REC114: variants seen among roughly 807,000 people sequenced by gnomAD.
The protein encoded by REC114 is REC114 meiotic recombination protein, also known as meiotic recombination protein REC114.
Under a neutral mutation model 31.3 loss-of-function variants are expected in REC114, and 27 were observed. The observed-to-expected ratio is 0.86, with a 90% CI of 0.64 to 1.19. The LOEUF is 1.19. Ranked by LOEUF, REC114 falls within the 50% of genes most tolerant of loss-of-function variation. The probability of loss-of-function intolerance (pLI) is 0.00; values close to 1 mark genes in which losing one functional copy is unlikely to be tolerated. For synonymous variants in REC114, 134 were observed against 127.7 expected, an observed-to-expected ratio of 1.05 and a Z score of -0.33; for missense variants, 344 against 326.9, an observed-to-expected ratio of 1.05 and a Z score of -0.40.
intron 2 of REC114, among the ~76,000 whole-genome samples, chr15:73,513,773 G>C (rs1200291119): frequency 2.7e-5 from 4 of 150,384 alleles, no homozygotes; most frequent in Admixed American, 6.6e-5. Flanking sequence ...CAGGGGTCAG[G>C]GACCCACTTG....
At position 73,443,310 on chromosome 15, in the gene REC114, T is replaced by G. The variant is rs773369299; in HGVS notation, c.125T>G (p.Leu42Arg). 2 of 1,582,824 alleles carry G rather than the reference T, an allele frequency of 1.3e-6. No homozygotes were observed. The highest frequency in any genetic ancestry group is 3.6e-5 in the Admixed American group (2 of 55,242). Residue 42 changes from leucine (L) to arginine (R), a missense_variant, in exon 1 of 6, where the codon CTG becomes CGG. Leu to Arg is a moderately radical substitution (Grantham distance 102). Transcript: ENST00000331090. The stretch of plus-strand genomic sequence containing the variant: ...ACCAGAGACCCACCTGGGCCATGCC[T>G]GGAAGCTGGGACAGCCCCCTGCCCC... The part of the protein sequence containing the change: ...SNTRDPPGPC[L>R]EAGTAPCPTW...
intron 1 of REC114, among the ~76,000 whole-genome samples, chr15:73,464,723 C>T (rs940192601): frequency 3.9e-5 from 6 of 152,148 alleles, no homozygotes; most frequent in African/African-American, 1.2e-4. Context: ...CCACCAATTT[C>T]TAGGGACTAG....
rs1555404028 is a variant in REC114 at position 73,531,998 on chromosome 15, TA to T, written c.250-8485del. ...TTCTCCACTCTTTTTTTTTTTTTTT[TA>T]ATACTTTAAGTTTTAGGGTACATGT... On this transcript the variant is annotated intron_variant, in intron 2 of 5. Transcript: ENST00000331090. Among the ~76,000 whole-genome samples the T allele has an allele frequency of 7.9e-3, 983 of 123,688 alleles. 16 individuals are homozygous for T. Among genetic ancestry groups the T allele is most frequent in the African/African-American group, 0.03 (921 of 31,024 alleles). The allele number at this position is 123,688 out of a possible 152,430, so 81.1% of individuals were successfully genotyped here. A position where few individuals can be genotyped will look rare whatever the true frequency, so the allele number is the denominator to read the frequency against.
intron 2 of REC114, among the ~76,000 whole-genome samples, chr15:73,532,459 C>T (rs1478821977): frequency 6.6e-6 from 1 of 151,242 alleles, no homozygotes; most frequent in Admixed American, 6.6e-5. Context: ...GTGCATGTGT[C>T]TTTATAGCAG....
At chr15:73,494,328 CTAA>C (rs1192530354) in intron 2 of REC114, among the ~76,000 whole-genome samples, 1 of 151,890 alleles carries the variant, frequency 6.6e-6, no homozygotes, top group Admixed American at 6.6e-5. Flanking sequence ...CCTGTCTCTA[CTAA>C]TAATACAAAA....
intron 2 of REC114, among the ~76,000 whole-genome samples, chr15:73,529,088 A>G (rs917717571): frequency 6.6e-6 from 1 of 151,934 alleles, no homozygotes; most frequent in African/African-American, 2.4e-5. Context: ...TGATTTTGTG[A>G]TTATATTTTA....
At chr15:73,504,773 TAAAA>T (rs74783650) in intron 2 of REC114, among the ~76,000 whole-genome samples, 3 of 152,052 alleles carry the variant, frequency 2.0e-5, no homozygotes, top group Admixed American at 2.0e-4. Context: ...TGTTACTTAT[TAAAA>T]AAAATTGACT....
intron 4 of REC114, among the ~76,000 whole-genome samples, chr15:73,552,188 G>A (rs1364965637): frequency 6.6e-6 from 1 of 152,150 alleles, no homozygotes; most frequent in Non-Finnish European, 1.5e-5. Flanking sequence ...CAACTCACTC[G>A]TTGAGTTTTG....
chr15:73,477,214 C>T (rs748417315), intron 2 of REC114, among the ~76,000 whole-genome samples: 3 of 152,060 alleles, frequency 2.0e-5, no homozygotes, highest in African/African-American at 7.2e-5. Flanking sequence ...TTCTTATATT[C>T]GAATTTAAAA....
At chr15:73,543,589 A>G (rs1894269102) in intron 3 of REC114, among the ~76,000 whole-genome samples, 1 of 152,274 alleles carries the variant, frequency 6.6e-6, no homozygotes, top group East Asian at 1.9e-4. Context: ...TCGGCCTCCC[A>G]AAGTGCTGGG....
chr15:73,510,905 T>C (rs992163317), intron 2 of REC114, among the ~76,000 whole-genome samples: 1 of 152,184 alleles, frequency 6.6e-6, no homozygotes, highest in African/African-American at 2.4e-5. Context: ...TAAAATTCTC[T>C]TTTTTGGTTG....
At chr15:73,453,606 A>G (rs1049506308) in intron 1 of REC114, among the ~76,000 whole-genome samples, 1 of 152,228 alleles carries the variant, frequency 6.6e-6, no homozygotes, top group African/African-American at 2.4e-5. Flanking sequence ...TGACCCAGCA[A>G]TCCCATTGCT....
intron 2 of REC114, among the ~76,000 whole-genome samples, chr15:73,482,952 A>G (rs1028670299): frequency 6.7e-6 from 1 of 148,950 alleles, no homozygotes; most frequent in African/African-American, 2.5e-5. Flanking sequence ...GTACCATTTT[A>G]CATTCCTAGC....
chr15:73,558,400 G>T (rs1167360891), intron 5 of REC114, among the ~76,000 whole-genome samples: 2 of 152,104 alleles, frequency 1.3e-5, no homozygotes, highest in African/African-American at 4.8e-5. Flanking sequence ...TCGTCATGTG[G>T]GACTGTGGAT....
At chr15:73,540,987 A>C (rs1434724852) in intron 3 of REC114, among the ~76,000 whole-genome samples, 1 of 152,252 alleles carries the variant, frequency 6.6e-6, no homozygotes, top group African/African-American at 2.4e-5. Flanking sequence ...TATTAAGTGT[A>C]AAGAATGATC....
At chr15:73,457,208 A>T (rs894736358) in intron 1 of REC114, among the ~76,000 whole-genome samples, 4 of 151,776 alleles carry the variant, frequency 2.6e-5, no homozygotes, top group African/African-American at 7.3e-5. Context: ...AAAGCTCTTG[A>T]ATATTCTACT....
chr15:73,520,419 C>T (rs757448166), intron 2 of REC114, among the ~76,000 whole-genome samples: 3 of 152,014 alleles, frequency 2.0e-5, no homozygotes, highest in Non-Finnish European at 2.9e-5. Context: ...TTAGCAGAGA[C>T]GGGGTTTCAC....
At chr15:73,517,354 A>G (rs528437576) in intron 2 of REC114, among the ~76,000 whole-genome samples, 15 of 152,332 alleles carry the variant, frequency 9.8e-5, no homozygotes, top group African/African-American at 3.4e-4. Flanking sequence ...TATCTCTCAC[A>G]GTGTTGTGGA....
chr15:73,458,104 A>G (rs1595860239), intron 1 of REC114, among the ~76,000 whole-genome samples: 2 of 152,296 alleles, frequency 1.3e-5, no homozygotes, highest in East Asian at 1.9e-4. Context: ...ATGAGTTGTA[A>G]TCAGTCTTCA....
Sources: gnomAD v4.1 joint callset for allele counts (sites outside exome capture counted in the v4.1 genomes callset) on GRCh38, gnomAD v4.1.1 for gene constraint, MANE v1.5 for transcripts, NCBI Gene and HGNC (gene_info 2026-07-23, HGNC 2026-07-21) for gene names.